Variants in CFAP299 observed in about 807,000 individuals in gnomAD.
CFAP299 encodes the protein cilia- and flagella-associated protein 299.
In CFAP299, 21 loss-of-function variants were observed where a neutral mutation model predicts 27.0. That is an observed-to-expected ratio of 0.78 (90% confidence interval 0.55 to 1.12). The LOEUF is 1.12. Ranked by LOEUF, CFAP299 falls within the 50% of genes most tolerant of loss-of-function variation. The pLI is 0.00. For missense variants in CFAP299, 310 were observed against 276.6 expected (o/e 1.12, Z -0.86); for synonymous variants, 104 against 98.1 (o/e 1.06, Z -0.36).
chr4:80,584,634 C>T (rs192715912), intron 3 of CFAP299, among the ~76,000 whole-genome samples: 7 of 152,034 alleles, frequency 4.6e-5, no homozygotes, highest in African/African-American at 1.2e-4. Flanking sequence ...CTTTCTTGGG[C>T]GGATCATCTT....
At chr4:80,378,201 A>C (rs1358698356) in intron 2 of CFAP299, among the ~76,000 whole-genome samples, 1 of 152,194 alleles carries the variant, frequency 6.6e-6, no homozygotes, top group Non-Finnish European at 1.5e-5. Flanking sequence ...TGCTCTTGTA[A>C]CTAGAATTTT....
At chr4:80,492,488 G>T (rs561686443) in intron 2 of CFAP299, among the ~76,000 whole-genome samples, 1 of 152,124 alleles carries the variant, frequency 6.6e-6, no homozygotes, top group Non-Finnish European at 1.5e-5. Context: ...AAATAGATGG[G>T]ACTAACAGGA....
intron 5 of CFAP299, among the ~76,000 whole-genome samples, chr4:80,952,505 G>A (rs1422665237): frequency 6.6e-6 from 1 of 152,064 alleles, no homozygotes; most frequent in African/African-American, 2.4e-5. Flanking sequence ...ACGGCAATGT[G>A]TTAGGTGCAT....
chr4:80,390,533 ATATG>A lies in CFAP299; in HGVS notation c.242+27653_242+27656del, dbSNP rs763314406. On this transcript the variant is annotated intron_variant, in intron 2 of 5. Coordinates refer to ENST00000358105, the MANE Select transcript of CFAP299 (RefSeq NM_152770.3). ...TACACACATATATGTATATATGTAT[ATATG>A]TATACACACATATATGTATATATGT... 4.9e-3 allele frequency among the ~76,000 whole-genome samples: 226 copies of A among 46,168 alleles called. 1 individual carries two copies. Among genetic ancestry groups the A allele is most frequent in the Admixed American group, 0.021 (58 of 2,782 alleles). The allele number at this position is 46,168 out of a possible 152,430, so 30.3% of individuals were successfully genotyped here.
chr4:80,579,294 G>T (rs193237339), intron 2 of CFAP299, among the ~76,000 whole-genome samples: 1 of 152,162 alleles, frequency 6.6e-6, no homozygotes, highest in African/African-American at 2.4e-5. Flanking sequence ...CTTAGAAGGC[G>T]CAAATCATTT....
chr4:80,390,533 A>G (rs1475054843), intron 2 of CFAP299, among the ~76,000 whole-genome samples: 408 of 46,172 alleles, frequency 8.8e-3, no homozygotes, highest in African/African-American at 0.016. Context: ...ATATATGTAT[A>G]TATGTATACA....
intron 4 of CFAP299, among the ~76,000 whole-genome samples, chr4:80,889,011 C>CAAAA (rs35328435): frequency 0.017 from 918 of 52,718 alleles, 1 homozygote; most frequent in African/African-American, 0.024. Context: ...AGTGCCTAAG[C>CAAAA]AAAAAAAAAA....
chr4:80,662,717 G>A (rs370785468), intron 3 of CFAP299, among the ~76,000 whole-genome samples: 1 of 152,280 alleles, frequency 6.6e-6, no homozygotes, highest in South Asian at 2.1e-4. Context: ...AGAATAAAAG[G>A]CAATGGTCAG....
At chr4:80,541,212 G>A (rs768305792) in intron 2 of CFAP299, among the ~76,000 whole-genome samples, 3 of 152,172 alleles carry the variant, frequency 2.0e-5, no homozygotes, top group East Asian at 3.9e-4. Flanking sequence ...AGATTTTTCC[G>A]ACTCCTTAGA....
Position 80,384,347 on chromosome 4 carries a change from G to A in CFAP299, c.242+21463G>A, listed in dbSNP as rs150676248. 3.1e-3 allele frequency among the ~76,000 whole-genome samples: 475 copies of A among 152,208 alleles called. 5 individuals carry two copies. Among genetic ancestry groups the A allele is most frequent in the African/African-American group, 0.011 (456 of 41,538 alleles). On this transcript the variant is annotated intron_variant, in intron 2 of 5. Transcript: ENST00000358105. ...TGAGAATTAAAAACAAAATTATTTAGTAGTTTCTATATTATTCATAAATAT... is the reference window on the plus strand; with the variant it reads ...TGAGAATTAAAAACAAAATTATTTAATAGTTTCTATATTATTCATAAATAT...
At chr4:80,388,601 T>G (rs1725158666) in intron 2 of CFAP299, 2 of 1,409,752 alleles carry the variant, frequency 1.4e-6, no homozygotes, top group Non-Finnish European at 2.0e-6. Flanking sequence ...AGGGGACGCA[T>G]TGACACTCTG....
intron 4 of CFAP299, among the ~76,000 whole-genome samples, chr4:80,937,527 C>A (rs1270639727): frequency 6.6e-6 from 1 of 151,682 alleles, no homozygotes; most frequent in African/African-American, 2.4e-5. Context: ...CCATGTTACC[C>A]AGGGTGGTCT....
chr4:80,783,765 T>C (rs997557839), intron 3 of CFAP299, among the ~76,000 whole-genome samples: 2 of 152,156 alleles, frequency 1.3e-5, no homozygotes, highest in African/African-American at 2.4e-5. Flanking sequence ...TTCAACAAAA[T>C]ATCCTAAATT....
At chr4:80,661,578 C>T (rs1025165700) in intron 3 of CFAP299, among the ~76,000 whole-genome samples, 2 of 152,148 alleles carry the variant, frequency 1.3e-5, no homozygotes, top group African/African-American at 4.8e-5. Context: ...TTACGTTAAT[C>T]TCTTAATCTC....
chr4:80,675,926 T>C (rs1719421900), intron 3 of CFAP299, among the ~76,000 whole-genome samples: 1 of 152,172 alleles, frequency 6.6e-6, no homozygotes, highest in African/African-American at 2.4e-5. Flanking sequence ...AGTGTCCCTA[T>C]TTTCCAGGTA....
chr4:80,682,215 G>A (rs180961566), intron 3 of CFAP299, among the ~76,000 whole-genome samples: 3 of 152,242 alleles, frequency 2.0e-5, no homozygotes, highest in Admixed American at 6.5e-5. Context: ...TCAAATTCAT[G>A]CTCAGTACTT....
At chr4:80,845,677 T>C (rs1054548657) in intron 3 of CFAP299, among the ~76,000 whole-genome samples, 3 of 152,176 alleles carry the variant, frequency 2.0e-5, no homozygotes, top group African/African-American at 7.2e-5. Flanking sequence ...AAGACCCTAT[T>C]CAACTACCGT....
At chr4:80,776,211 TG>T (rs1726530946) in intron 3 of CFAP299, among the ~76,000 whole-genome samples, 1 of 152,156 alleles carries the variant, frequency 6.6e-6, no homozygotes. Context: ...CATGCTAATT[TG>T]GCAATTTTCA....
intron 2 of CFAP299, among the ~76,000 whole-genome samples, chr4:80,561,622 G>T (rs1735038061): frequency 6.6e-6 from 1 of 151,964 alleles, no homozygotes; most frequent in Non-Finnish European, 1.5e-5. Context: ...GAAATAAAAA[G>T]AATCAAGCAG....
Sources: allele counts gnomAD v4.1 joint callset (sites outside exome capture counted in the v4.1 genomes callset), GRCh38; gene constraint gnomAD v4.1.1; transcripts MANE v1.5; gene names NCBI Gene and HGNC (gene_info 2026-07-23, HGNC 2026-07-21).